The following DNAI7 variants were observed in gnomAD, a reference collection of about 807,000 sequenced individuals.
DNAI7 encodes the protein cancer susceptibility 1.
In DNAI7, 78 loss-of-function variants were observed where a neutral mutation model predicts 86.6. The observed-to-expected ratio is 0.90, with a 90% confidence interval of 0.75 to 1.09. DNAI7 has a LOEUF of 1.09. Among genes scored for constraint, DNAI7 ranks in the 50% least tolerant of loss-of-function variants. DNAI7 has a pLI of 0.00. For synonymous variants in DNAI7, 274 were observed against 273.0 expected (o/e 1.00, Z -0.04); for missense variants, 753 against 810.2 (o/e 0.93, Z 0.86).
At chr12:25,184,482 A>G (rs901316774) in intron 2 of DNAI7, among the ~76,000 whole-genome samples, 6 of 152,170 alleles carry the variant, frequency 3.9e-5, no homozygotes, top group African/African-American at 1.4e-4. Context: ...TAATATTCCA[A>G]TGCATAGATA....
Position 25,108,665 on chromosome 12 carries a change from G to GTGAT in DNAI7, c.2048_2051dup (p.His684GlnfsTer10), listed in dbSNP as rs751662527. ...CCTCAGAAGCAAAATCCTTCACCAT[G>GTGAT]TGATATAAAGTAGAATGAAACTCAG... is the stretch of plus-strand genomic sequence containing the variant. On this transcript the variant is annotated frameshift_variant, in exon 16 of 16. Transcript: ENST00000395987. LOFTEE classifies it low-confidence loss of function (END_TRUNC). 3.7e-6 allele frequency: 6 copies of GTGAT among 1,613,576 alleles called. No homozygotes were observed. Among genetic ancestry groups the GTGAT allele is most frequent in the Non-Finnish European group, 3.4e-6 (4 of 1,179,862 alleles).
At chr12:25,174,349 G>C (rs866191080) in intron 2 of DNAI7, among the ~76,000 whole-genome samples, 1 of 87,114 alleles carries the variant, frequency 1.1e-5, no homozygotes, top group African/African-American at 4.5e-5. Flanking sequence ...ATATATATAT[G>C]ATATATATAT....
chr12:25,118,665 G>A (rs940137366), intron 12 of DNAI7, among the ~76,000 whole-genome samples: 2 of 152,078 alleles, frequency 1.3e-5, no homozygotes, highest in African/African-American at 2.4e-5. Context: ...GGGTTCAGGC[G>A]ATTCTCATGC....
At chr12:25,164,330 C>T (rs111687279) in intron 2 of DNAI7, among the ~76,000 whole-genome samples, 3,560 of 151,504 alleles carry the variant, frequency 0.023, 67 homozygotes, top group Non-Finnish European at 0.034. Flanking sequence ...TTTTCTGGGG[C>T]GCAAGAACCC....
At chr12:25,188,015 T>C (rs1263601965) in intron 2 of DNAI7, among the ~76,000 whole-genome samples, 2 of 152,204 alleles carry the variant, frequency 1.3e-5, no homozygotes, top group South Asian at 2.1e-4. Context: ...GTCTGACTCA[T>C]ACCATTGGTG....
intron 2 of DNAI7, among the ~76,000 whole-genome samples, chr12:25,172,766 T>G (rs535175361): frequency 6.6e-5 from 10 of 152,226 alleles, no homozygotes; most frequent in Non-Finnish European, 1.0e-4. Flanking sequence ...CATAGATCAA[T>G]GGAACAGAAT....
intron 14 of DNAI7, 99 bp downstream of exon 14, chr12:25,111,673 T>C (rs1938849671): frequency 1.9e-6 from 1 of 535,878 alleles, no homozygotes; most frequent in Non-Finnish European, 2.7e-6. Flanking sequence ...TAAATGAATA[T>C]ATAAAATACA....
rs139972447 is a variant in DNAI7, at chr12:25,159,891, C to T, written c.106+1222G>A. Among the ~76,000 whole-genome samples, 191 of 152,146 alleles carry T rather than the reference C, an allele frequency of 1.3e-3. 2 individuals are homozygous for T. The East Asian group carries it at 0.028, about 23-fold the overall frequency. ...CTAAATACTCAGATTTTAAAAATCACTTTTTGGTACTTTAATTAATAAACA... is the reference window on the plus strand; with the variant it reads ...CTAAATACTCAGATTTTAAAAATCATTTTTTGGTACTTTAATTAATAAACA... On this transcript the variant is annotated intron_variant, in intron 3 of 15. Transcript: ENST00000395987.
intron 2 of DNAI7, among the ~76,000 whole-genome samples, chr12:25,169,819 G>A (rs1465238470): frequency 1.4e-5 from 2 of 145,562 alleles, no homozygotes; most frequent in Admixed American, 7.0e-5. Context: ...CTGTACTCCA[G>A]CCTGGGTGAC....
chr12:25,120,993 C>T (rs961990267), intron 11 of DNAI7, among the ~76,000 whole-genome samples: 1 of 152,178 alleles, frequency 6.6e-6, no homozygotes, highest in Non-Finnish European at 1.5e-5. Context: ...TGCATGTTCC[C>T]AACTGACACT....
At chr12:25,172,888 T>C (rs551863216) in intron 2 of DNAI7, among the ~76,000 whole-genome samples, 82 of 152,054 alleles carry the variant, frequency 5.4e-4, no homozygotes, top group Non-Finnish European at 1.1e-3. Context: ...GCTGGGATAA[T>C]TGGCTAGCTA....
At chr12:25,136,132 C>T (rs1242780143) in intron 9 of DNAI7, among the ~76,000 whole-genome samples, 1 of 152,176 alleles carries the variant, frequency 6.6e-6, no homozygotes, top group Non-Finnish European at 1.5e-5. Flanking sequence ...AACAAAACTA[C>T]AACCAAGAAC....
Position 25,130,097 on chromosome 12 carries a change from T to C in DNAI7, c.1003-6811A>G, listed in dbSNP as rs147476927. ...TCTTAACCCCCATGTAGAATCTCTC[T>C]CATTGCATATATTAGAAGATATGGT... On this transcript the variant is annotated intron_variant, in intron 9 of 15. Transcript: ENST00000395987. 1.4e-3 allele frequency among the ~76,000 whole-genome samples: 211 copies of C among 152,302 alleles called. 3 individuals are homozygous for C. The highest frequency in any genetic ancestry group is 4.9e-3 in the African/African-American group (203 of 41,568).
At chr12:25,151,910 C>T (rs1354455221) in intron 6 of DNAI7, among the ~76,000 whole-genome samples, 2 of 152,042 alleles carry the variant, frequency 1.3e-5, no homozygotes, top group South Asian at 4.1e-4. Context: ...CCTCTTATGA[C>T]AACATGAAGA....
chr12:25,154,430 C>G lies in DNAI7; in HGVS notation c.327G>C (p.Gly109=). Reference sequence around the variant, plus strand: ...CTTGGGCTACTGAAGGATCAGGACTCCCATCACATTGAATGTAGTGCTTCC... The same window carrying G: ...CTTGGGCTACTGAAGGATCAGGACTGCCATCACATTGAATGTAGTGCTTCC... The part of the protein sequence containing the change: ...SQWKHYIQCD[G]SPDPSVAQEM... Residue 109 remains glycine (G), a synonymous_variant, in exon 6 of 16, where the codon GGG becomes GGC. Coordinates refer to ENST00000395987, the MANE Select transcript of DNAI7 (RefSeq NM_018272.5). 1.2e-6 allele frequency: 2 copies of G among 1,609,980 alleles called. No homozygotes were observed. Among genetic ancestry groups the G allele is most frequent in the Non-Finnish European group, 1.7e-6 (2 of 1,179,048 alleles).
At chr12:25,130,001 A>AT (rs1172285805) in intron 9 of DNAI7, among the ~76,000 whole-genome samples, 1 of 151,882 alleles carries the variant, frequency 6.6e-6, no homozygotes, top group Non-Finnish European at 1.5e-5. Flanking sequence ...ATCTCAGGTG[A>AT]TCCCCCTGCC....
At chr12:25,148,661 G>T (rs983043148) in intron 7 of DNAI7, among the ~76,000 whole-genome samples, 1 of 152,112 alleles carries the variant, frequency 6.6e-6, no homozygotes, top group East Asian at 1.9e-4. Flanking sequence ...CTTTGTTTCT[G>T]AAGTATCACT....
chr12:25,144,563 T>G lies in DNAI7; in HGVS notation c.804A>C (p.Ala268=), dbSNP rs766071296. 1.2e-6 allele frequency: 2 copies of G among 1,614,020 alleles called. No homozygotes were observed. Among genetic ancestry groups the G allele is most frequent in the Admixed American group, 1.7e-5 (1 of 59,994 alleles). The change falls in exon 9 of 16, where the codon GCA becomes GCC. Residue 268 remains alanine, a synonymous_variant. Transcript: ENST00000395987. ...LLHTHYDHVS[A]LHPVSTPSKE... is the part of the protein sequence containing the mutation. ...TTGATGGTGTTGAAACAGGGTGCAG[T>G]GCAGAAACATGATCATAGTGGGTAT...
chr12:25,156,602 G>A lies in DNAI7; in HGVS notation c.199-1190C>T, dbSNP rs1365637361. Among the ~76,000 whole-genome samples, 9 of 151,880 alleles carry A rather than the reference G, an allele frequency of 5.9e-5. No individual in the cohort carries two copies. In the East Asian group the frequency reaches 9.7e-4, roughly 16 times the overall value. On this transcript the variant is annotated intron_variant, in intron 4 of 15. Coordinates refer to ENST00000395987, the MANE Select transcript of DNAI7 (RefSeq NM_018272.5). Reference sequence around the variant, plus strand: ...TTAAAAATACGAAAATTAGCCGGGCGCGGTGGCGGGTGCCTGTAATCTCTG... The same window carrying A: ...TTAAAAATACGAAAATTAGCCGGGCACGGTGGCGGGTGCCTGTAATCTCTG...
Sources: gnomAD v4.1 joint callset for allele counts (sites outside exome capture counted in the v4.1 genomes callset) on GRCh38, gnomAD v4.1.1 for gene constraint, MANE v1.5 for transcripts, NCBI Gene and HGNC (gene_info 2026-07-23, HGNC 2026-07-21) for gene names.